The following DZIP3 variants were observed in gnomAD, a reference collection of about 807,000 sequenced individuals.
DZIP3 encodes the protein DAZ interacting zinc finger protein 3, also known as E3 ubiquitin-protein ligase DZIP3.
In DZIP3, 118 loss-of-function variants were observed where a neutral mutation model predicts 162.0. The ratio of observed to expected loss-of-function variants is 0.73; its 90% CI spans 0.63 to 0.85. The LOEUF is 0.85. DZIP3 is among the 40% of genes least tolerant of loss of function. The pLI is 0.00. For missense variants in DZIP3, 1,331 were observed against 1,407.0 expected (o/e 0.95, Z 0.86); for synonymous variants, 438 against 458.6 (o/e 0.96, Z 0.57).
intron 12 of DZIP3, among the ~76,000 whole-genome samples, chr3:108,637,760 A>C (rs1433465358): frequency 2.0e-5 from 3 of 152,196 alleles, no homozygotes; most frequent in East Asian, 1.9e-4. Context: ...AATTATGTGA[A>C]TACTTTCCCA....
intron 27 of DZIP3, 118 bp downstream of exon 27, chr3:108,684,459 G>C: frequency 7.8e-7 from 1 of 1,276,524 alleles, no homozygotes; most frequent in South Asian, 1.5e-5. Context: ...GGGGGTGGTG[G>C]TGATAATTGA....
chr3:108,647,863 T>C (rs1183945572), intron 15 of DZIP3, 80 bp from the exon 16 acceptor site: 1 of 1,206,584 alleles, frequency 8.3e-7, no homozygotes, highest in African/African-American at 1.6e-5. Flanking sequence ...ATGTTGCTTT[T>C]TTGGGCAAAC....
At position 108,654,192 on chromosome 3, in the gene DZIP3, A is replaced by C; in HGVS notation, c.2081A>C (p.Asn694Thr). 6.2e-7 allele frequency: 1 copy of C among 1,613,804 alleles called. No individual in the cohort carries two copies. Among genetic ancestry groups the C allele is most frequent in the Non-Finnish European group, 8.5e-7 (1 of 1,179,754 alleles). ...KEEQLRKEQANPHSVSRLIKD... is the reference protein window; with the variant it reads ...KEEQLRKEQATPHSVSRLIKD... ...GAGCAGTTGAGGAAAGAACAAGCAA[A>C]TCCACACTCAGTCAGTAGACTTATA... Residue 694 changes from asparagine to threonine, a missense_variant, in exon 19 of 33, where the codon AAT becomes ACT. Transcript: ENST00000361582.
chr3:108,613,397 G>C (rs1940828462), intron 4 of DZIP3, among the ~76,000 whole-genome samples: 1 of 152,066 alleles, frequency 6.6e-6, no homozygotes, highest in Admixed American at 6.6e-5. Flanking sequence ...TTGTTATGAA[G>C]CTCTAATAAC....
At chr3:108,631,055 A>ACACACACACACATACTCT in intron 8 of DZIP3, among the ~76,000 whole-genome samples, 1 of 18,006 alleles carries the variant, frequency 5.6e-5, no homozygotes, top group Non-Finnish European at 9.0e-5. Context: ...ACACACACAC[A>ACACACACACACATACTCT]CTCTCTCTCT....
intron 26 of DZIP3, among the ~76,000 whole-genome samples, chr3:108,681,375 A>G (rs985210920): frequency 1.3e-5 from 2 of 152,210 alleles, no homozygotes; most frequent in East Asian, 1.9e-4. Flanking sequence ...CAGAACCACA[A>G]TGAGATACCA....
intron 32 of DZIP3, among the ~76,000 whole-genome samples, chr3:108,692,107 G>GA (rs1392215085): frequency 1.3e-5 from 2 of 151,924 alleles, no homozygotes; most frequent in African/African-American, 4.8e-5. Flanking sequence ...GTTGGTAGAG[G>GA]AAAAAGTTTT....
At chr3:108,594,938 C>G (rs1269632270) in intron 1 of DZIP3, among the ~76,000 whole-genome samples, 6 of 152,126 alleles carry the variant, frequency 3.9e-5, no homozygotes, top group Non-Finnish European at 7.3e-5. Context: ...GTAAACATCT[C>G]CATTTCACTT....
chr3:108,685,627 A>G (rs762119963), intron 27 of DZIP3, among the ~76,000 whole-genome samples: 17 of 152,208 alleles, frequency 1.1e-4, no homozygotes, highest in Admixed American at 6.5e-4. Context: ...GCATGTCACT[A>G]CAACTTCTGC....
Position 108,632,984 on chromosome 3 carries a change from A to C in DZIP3, c.728A>C (p.Glu243Ala). 1 of 1,457,192 alleles carries C rather than the reference A, an allele frequency of 6.9e-7. No homozygotes were observed. The highest frequency in any genetic ancestry group is 9.2e-7 in the Non-Finnish European group (1 of 1,085,190). 90.3% of individuals were successfully genotyped at this position (1,457,192 alleles called of 1,614,324 possible). A position where few individuals can be genotyped will look rare whatever the true frequency, so the allele number is the denominator to read the frequency against. ...CTTAATAATTTTATCAAGACAACTG[A>C]AAGCAATATAATGAAGCAGACGATT... ...DLLNNFIKTT[E>A]SNIMKQTICS... Residue 243 changes from glutamate to alanine, a missense_variant, in exon 9 of 33, where the codon GAA (glutamate) becomes GCA (alanine). This residue lies in a region of DZIP3 where 1,278 missense variants were observed against 1,317.1 expected (regional missense o/e 0.97). Transcript: ENST00000361582.
chr3:108,665,870 A>T (rs1943652604), intron 21 of DZIP3, among the ~76,000 whole-genome samples: 1 of 152,178 alleles, frequency 6.6e-6, no homozygotes, highest in African/African-American at 2.4e-5. Flanking sequence ...ATTCTGTAGG[A>T]ATAGAAGGAA....
In DZIP3 at chr3:108,634,914, T is replaced by C; in HGVS notation, c.860T>C (p.Phe287Ser). Residue 287 changes from phenylalanine to serine, a missense_variant, in exon 10 of 33, where the codon TTC becomes TCC. Physicochemically the swap from Phe to Ser is radical, Grantham distance 155. This residue lies in a region of DZIP3 where 1,278 missense variants were observed against 1,317.1 expected (regional missense o/e 0.97). Coordinates refer to ENST00000361582, the MANE Select transcript of DZIP3 (RefSeq NM_014648.4). ...TGCAGTAAAAGTTGCTGTGTTTATT[T>C]CCATAAAATTTGCTGGAAAAAGTTC... Reference protein sequence around the residue: ...LMCSKSCCVYFHKICWKKFKN... With the variant: ...LMCSKSCCVYSHKICWKKFKN... The C allele has an allele frequency of 6.2e-7, 1 of 1,610,828 alleles. No homozygotes were observed. Among genetic ancestry groups the C allele is most frequent in the East Asian group, 2.2e-5 (1 of 44,604 alleles).
At chr3:108,611,073 A>G in intron 3 of DZIP3, 101 bp from the exon 4 acceptor site, 16 of 1,178,852 alleles carry the variant, frequency 1.4e-5, no homozygotes, top group Non-Finnish European at 1.8e-5. Context: ...AACAAGGGAA[A>G]ATGAGCTTTG....
intron 26 of DZIP3, among the ~76,000 whole-genome samples, chr3:108,683,655 A>G (rs937954437): frequency 5.3e-5 from 8 of 152,144 alleles, no homozygotes; most frequent in African/African-American, 1.7e-4. Flanking sequence ...GCAAATCACT[A>G]TAGCAGAGTT....
At position 108,603,378 on chromosome 3, in the gene DZIP3, T is replaced by G. The variant is rs377754492; in HGVS notation, c.-72-1957T>G. On this transcript the variant is annotated intron_variant, in intron 1 of 32. Transcript: ENST00000361582. Reference sequence around the variant, plus strand: ...AGCTTTATTAAAGAGATGAAGCAGATCTGATCTAGTGTGAATGACAAGGTT... The same window carrying G: ...AGCTTTATTAAAGAGATGAAGCAGAGCTGATCTAGTGTGAATGACAAGGTT... 3.3e-5 allele frequency: 5 copies of G among 152,330 alleles called. No individual in the cohort carries two copies. In the East Asian group the frequency reaches 9.6e-4, roughly 29 times the overall value. 9.4% of individuals were successfully genotyped at this position (152,330 alleles called of 1,614,324 possible). A position where few individuals can be genotyped will look rare whatever the true frequency, so the allele number is the denominator to read the frequency against.
At chr3:108,663,024 C>A (rs1233446225) in intron 21 of DZIP3, among the ~76,000 whole-genome samples, 5 of 152,134 alleles carry the variant, frequency 3.3e-5, no homozygotes, top group Non-Finnish European at 5.9e-5. Flanking sequence ...CAAGATATTT[C>A]TTATAAATTG....
chr3:108,608,026 T>C (rs989738098), intron 2 of DZIP3, 63 bp from the exon 3 acceptor site: 1 of 1,327,542 alleles, frequency 7.5e-7, no homozygotes, highest in Admixed American at 1.8e-5. Context: ...GATTCTTTAC[T>C]ACTACAATTT....
rs1279562086 is a variant in DZIP3, at chr3:108,661,927, G to C, written c.2250G>C (p.Arg750Ser). 2 of 1,613,976 alleles carry C rather than the reference G, an allele frequency of 1.2e-6. No homozygotes were observed. The highest frequency in any genetic ancestry group is 1.7e-6 in the Non-Finnish European group (2 of 1,179,936). The change falls in exon 20 of 33, where the codon AGG becomes AGC. Residue 750 changes from arginine (R) to serine (S), a missense_variant. Around this residue, in one of 2 missense-constraint regions of DZIP3, gnomAD observed 1,278 missense variants for 1,317.1 expected, o/e 0.97. Coordinates refer to ENST00000361582, the MANE Select transcript of DZIP3 (RefSeq NM_014648.4). The part of the protein sequence containing the change: ...TTDYGETEKE[R>S]LARQRQLYKL... ...ACTATGGAGAAACTGAAAAGGAAAG[G>C]CTTGCTCGTCAAAGGCAGCTTTATA...
chr3:108,658,463 C>A (rs973938907), intron 19 of DZIP3, among the ~76,000 whole-genome samples: 6 of 151,944 alleles, frequency 3.9e-5, no homozygotes, highest in African/African-American at 7.3e-5. Context: ...ACACAACATA[C>A]CAGAATCTCT....
Sources: allele counts gnomAD v4.1 joint callset (sites outside exome capture counted in the v4.1 genomes callset), GRCh38; gene constraint gnomAD v4.1.1; regional missense constraint gnomAD v4.1.1; transcripts MANE v1.5; gene names NCBI Gene and HGNC (gene_info 2026-07-23, HGNC 2026-07-21).